Variants in ZNF148 observed in about 807,000 individuals in gnomAD.
ZNF148 encodes the protein Beta-Enolase Repressor Factor-1.
Under a neutral mutation model 67.7 loss-of-function variants are expected in ZNF148, and 7 were observed. That is an observed-to-expected ratio of 0.10 (90% CI 0.06 to 0.19). The LOEUF is 0.19. ZNF148 is among the 10% of genes least tolerant of loss of function. The pLI, the probability that ZNF148 is intolerant of heterozygous loss-of-function variation, is 1.00. For missense variants in ZNF148, 583 were observed against 947.1 expected (o/e 0.62, Z 5.05); for synonymous variants, 333 against 330.7 (o/e 1.01, Z -0.08).
chr3:125,290,301 G>A (rs369925532), intron 4 of ZNF148, among the ~76,000 whole-genome samples: 26 of 152,020 alleles, frequency 1.7e-4, no homozygotes, highest in African/African-American at 5.8e-4. Context: ...TCCCTATGCC[G>A]GTTCTTTCTT....
intron 7 of ZNF148, among the ~76,000 whole-genome samples, chr3:125,244,537 C>T (rs947819450): frequency 2.0e-5 from 3 of 151,850 alleles, no homozygotes; most frequent in Non-Finnish European, 4.4e-5. Flanking sequence ...CGCTCTTGTC[C>T]CCCAGGCTGG....
intron 4 of ZNF148, among the ~76,000 whole-genome samples, chr3:125,309,823 T>C (rs540071551): frequency 6.6e-6 from 1 of 152,330 alleles, no homozygotes; most frequent in South Asian, 2.1e-4. Flanking sequence ...TTGCAATCTA[T>C]AGACTACCTC....
intron 1 of ZNF148, among the ~76,000 whole-genome samples, chr3:125,363,589 T>C (rs1942609098): frequency 6.6e-6 from 1 of 152,176 alleles, no homozygotes; most frequent in African/African-American, 2.4e-5. Flanking sequence ...TTTGAGGTAT[T>C]TCTTATAGCT....
At chr3:125,352,890 C>T (rs975355288) in intron 1 of ZNF148, among the ~76,000 whole-genome samples, 3 of 152,050 alleles carry the variant, frequency 2.0e-5, no homozygotes, top group East Asian at 1.9e-4. Flanking sequence ...ATCAAGACAG[C>T]GTGGTACTGG....
intron 3 of ZNF148, among the ~76,000 whole-genome samples, chr3:125,320,358 T>C (rs551330002): frequency 6.6e-6 from 1 of 152,356 alleles, no homozygotes; most frequent in South Asian, 2.1e-4. Flanking sequence ...TTGTGCTATA[T>C]GCTCTAAAAT....
chr3:125,258,640 T>C (rs1392392742), intron 7 of ZNF148, among the ~76,000 whole-genome samples: 3 of 152,090 alleles, frequency 2.0e-5, no homozygotes, highest in Admixed American at 1.3e-4. Flanking sequence ...ATTAATCATA[T>C]GTTAAAATAT....
Position 125,233,863 on chromosome 3 carries a change from C to A in ZNF148, c.863G>T (p.Cys288Phe), listed in dbSNP as rs1935964718. 6.2e-7 allele frequency: 1 copy of A among 1,613,080 alleles called. No homozygotes were observed. Among genetic ancestry groups the A allele is most frequent in the African/African-American group, 1.3e-5 (1 of 74,816 alleles). Residue 288 changes from cysteine (C) to phenylalanine (F), a missense_variant, in exon 9 of 9, where the codon TGT becomes TTT. Physicochemically the swap from Cys to Phe is radical, Grantham distance 205. This residue lies in a region of ZNF148 where 78 missense variants were observed against 86.5 expected (regional missense o/e 0.90). Coordinates refer to ENST00000360647, the MANE Select transcript of ZNF148 (RefSeq NM_021964.3). The surrounding 1 kb of genome is among the most constrained non-coding windows in gnomAD (Gnocchi z 5.1). ...HENHDKKLNR[C>F]AIKGGLLTSE... The stretch of plus-strand genomic sequence containing the variant: ...TGTCAGAAGGCCACCTTTGATGGCA[C>A]ATCTATTTAGTTTTTTGTCATGATT...
intron 1 of ZNF148, among the ~76,000 whole-genome samples, chr3:125,350,161 G>GGTTT (rs1553714682): frequency 4.6e-5 from 7 of 151,432 alleles, no homozygotes; most frequent in African/African-American, 1.2e-4. Flanking sequence ...ATGGGTTTTG[G>GGTTT]TTTTGTTTTG....
At chr3:125,274,849 A>G (rs571231727) in intron 7 of ZNF148, among the ~76,000 whole-genome samples, 1 of 152,218 alleles carries the variant, frequency 6.6e-6, no homozygotes, top group African/African-American at 2.4e-5. Flanking sequence ...CAATTTAAAA[A>G]TGGATAAAAA....
chr3:125,313,735 A>G (rs937128608), intron 3 of ZNF148, 79 bp from the exon 4 acceptor site: 11 of 1,143,422 alleles, frequency 9.6e-6, no homozygotes, highest in Non-Finnish European at 1.3e-5. Flanking sequence ...CAAATTAAGA[A>G]TTTGAACATT....
At chr3:125,236,158 T>C (rs1314016462) in intron 7 of ZNF148, among the ~76,000 whole-genome samples, 1 of 152,154 alleles carries the variant, frequency 6.6e-6, no homozygotes, top group East Asian at 1.9e-4. Flanking sequence ...TACTAGATTA[T>C]ATTTCTTTAG....
At chr3:125,274,185 A>G (rs1937919033) in intron 7 of ZNF148, among the ~76,000 whole-genome samples, 1 of 152,238 alleles carries the variant, frequency 6.6e-6, no homozygotes, top group Admixed American at 6.5e-5. Context: ...CAATGATGAT[A>G]AATGTTTAAC....
intron 7 of ZNF148, among the ~76,000 whole-genome samples, chr3:125,240,488 G>T (rs1253441504): frequency 6.6e-6 from 1 of 152,114 alleles, no homozygotes. Context: ...AGTCAACCAG[G>T]TGTGCTGCCT....
intron 7 of ZNF148, among the ~76,000 whole-genome samples, chr3:125,237,842 A>T (rs752872921): frequency 1.3e-5 from 2 of 152,228 alleles, no homozygotes; most frequent in South Asian, 4.1e-4. Context: ...TATCTTGAAA[A>T]AGAAGAATGA....
Position 125,323,467 on chromosome 3 carries a change from C to A in ZNF148, c.-152-23G>T, listed in dbSNP as rs531462191. The A allele has an allele frequency of 4.8e-5, 32 of 661,082 alleles. No individual in the cohort carries two copies. In the African/African-American group the frequency reaches 5.6e-4, roughly 12 times the overall value. The allele number at this position is 661,082 out of a possible 1,614,324, so 41.0% of individuals were successfully genotyped here. A position where few individuals can be genotyped will look rare whatever the true frequency, so the allele number is the denominator to read the frequency against. On this transcript the variant is annotated intron_variant, in intron 2 of 8. Transcript: ENST00000360647. ...TTCCTACAATAAAACACACACACAA[C>A]AAACATTATTTATGGTAGGAAAAGA...
chr3:125,359,769 C>T (rs1237029298), intron 1 of ZNF148, among the ~76,000 whole-genome samples: 1 of 152,252 alleles, frequency 6.6e-6, no homozygotes, highest in Non-Finnish European at 1.5e-5. Flanking sequence ...CTTATTTGCA[C>T]AGAGAAAGAA....
intron 1 of ZNF148, among the ~76,000 whole-genome samples, chr3:125,374,332 A>C (rs1203867664): frequency 6.6e-6 from 1 of 151,992 alleles, no homozygotes; most frequent in Non-Finnish European, 1.5e-5. Context: ...ATTATACTAC[A>C]TCTGTCTATT....
intron 1 of ZNF148, among the ~76,000 whole-genome samples, chr3:125,336,689 T>TTTTTTC (rs1941509365): frequency 7.0e-6 from 1 of 143,672 alleles, no homozygotes; most frequent in African/African-American, 2.6e-5. Context: ...TTTTTTTTTT[T>TTTTTTC]TTTTTTGAGA....
intron 3 of ZNF148, among the ~76,000 whole-genome samples, chr3:125,321,315 A>G (rs191263842): frequency 1.5e-3 from 228 of 152,288 alleles, no homozygotes; most frequent in Non-Finnish European, 2.4e-3. Flanking sequence ...ACAAATATCT[A>G]TTTCAATAGC....
Sources: allele counts gnomAD v4.1 joint callset (sites outside exome capture counted in the v4.1 genomes callset), GRCh38; gene constraint gnomAD v4.1.1; regional missense constraint gnomAD v4.1.1; non-coding constraint Gnocchi (gnomAD v3.1); transcripts MANE v1.5; gene names NCBI Gene and HGNC (gene_info 2026-07-23, HGNC 2026-07-21).